NEK10: variants seen among roughly 807,000 people sequenced by gnomAD.
NEK10 encodes the protein serine/threonine-protein kinase Nek10.
Under a neutral mutation model 159.8 loss-of-function variants are expected in NEK10, and 122 were observed. That is an observed-to-expected ratio of 0.76 (90% CI 0.66 to 0.89). The LOEUF (loss-of-function observed/expected upper bound fraction) is 0.89, where lower values mean the gene tolerates loss of function less well. Ranked by LOEUF, NEK10 falls within the 40% of genes least tolerant of loss-of-function variation. NEK10 has a pLI of 0.00. For synonymous variants in NEK10, 466 were observed against 457.1 expected (o/e 1.02, Z -0.25); for missense variants, 1,342 against 1,323.1 (o/e 1.01, Z -0.22).
rs182278573 is a variant in NEK10 at position 27,153,033 on chromosome 3, T to G, written c.2869+9668A>C. Among the ~76,000 whole-genome samples the G allele has an allele frequency of 5.1e-4, 77 of 152,020 alleles. 1 individual carries two copies. The highest frequency in any genetic ancestry group is 7.4e-5 in the Non-Finnish European group (5 of 67,990). ...ATAAAACACTAATAGACCTAAGAAATGAGAATGGCCAGGCGCGGTGGCTCA... is the reference window on the plus strand; with the variant it reads ...ATAAAACACTAATAGACCTAAGAAAGGAGAATGGCCAGGCGCGGTGGCTCA... On this transcript the variant is annotated intron_variant, in intron 30 of 35. Transcript: ENST00000691995.
chr3:27,111,264 C>A lies in NEK10; in HGVS notation c.*8G>T. 1 of 1,608,040 alleles carries A rather than the reference C, an allele frequency of 6.2e-7. No individual in the cohort carries two copies. Among genetic ancestry groups the A allele is most frequent in the Non-Finnish European group, 8.5e-7 (1 of 1,176,670 alleles). ...GAGAAAATCAAGTCCACTCAAAATG[C>A]AGCATTTTCATCTTTTGGTTGGGTG... is the stretch of plus-strand genomic sequence containing the variant. On this transcript the variant is annotated 3_prime_UTR_variant, in exon 36 of 36. Coordinates refer to ENST00000691995, the MANE Select transcript of NEK10 (RefSeq NM_001394966.1).
intron 22 of NEK10, among the ~76,000 whole-genome samples, chr3:27,281,356 C>T (rs769120037): frequency 6.6e-6 from 1 of 151,802 alleles, no homozygotes; most frequent in African/African-American, 2.4e-5. Flanking sequence ...TGGCTACAGA[C>T]ACATTGAATT....
intron 32 of NEK10, 25 bp from the exon 33 acceptor site, chr3:27,119,893 A>C (rs764791758): frequency 1.9e-6 from 3 of 1,554,898 alleles, no homozygotes; most frequent in Non-Finnish European, 2.7e-6. Context: ...GCAAAATCAC[A>C]TCTTAGTTTA....
At position 27,269,911 on chromosome 3, in the gene NEK10, CA is replaced by C. The variant is rs537153750; in HGVS notation, c.2015-13541del. Among the ~76,000 whole-genome samples, 55 of 152,290 alleles carry C rather than the reference CA, an allele frequency of 3.6e-4. 2 individuals are homozygous for C. Among genetic ancestry groups the C allele is most frequent in the Admixed American group, 9.8e-4 (15 of 15,294 alleles). On this transcript the variant is annotated intron_variant, in intron 22 of 35. Transcript: ENST00000691995. ...AGTTCCTCACTTTCCTTTACCACAG[CA>C]AAATCCTATTGTTTCTACAAAAAGT...
At chr3:27,334,133 C>T (rs148579304) in intron 5 of NEK10, among the ~76,000 whole-genome samples, 538 of 152,318 alleles carry the variant, frequency 3.5e-3, no homozygotes, top group African/African-American at 0.012. Flanking sequence ...AGTCTACCAC[C>T]ACTGGCACCT....
At chr3:27,339,759 A>G (rs1350657351) in intron 5 of NEK10, among the ~76,000 whole-genome samples, 1 of 139,330 alleles carries the variant, frequency 7.2e-6, no homozygotes, top group Non-Finnish European at 1.5e-5. Flanking sequence ...AGCCTGGGCC[A>G]CAGGGCGAGA....
At chr3:27,297,570 C>G (rs1264633972) in intron 13 of NEK10, among the ~76,000 whole-genome samples, 8 of 152,178 alleles carry the variant, frequency 5.3e-5, no homozygotes, top group Admixed American at 5.2e-4. Context: ...TGGCACTTAG[C>G]AGGTGCTCAA....
At chr3:27,314,248 C>G in intron 7 of NEK10, 49 bp downstream of exon 7, 1 of 1,373,352 alleles carries the variant, frequency 7.3e-7, no homozygotes, top group African/African-American at 1.4e-5. Context: ...TTGCTCATAG[C>G]AGGCACAAAA....
chr3:27,120,804 G>A (rs184431075), intron 32 of NEK10, among the ~76,000 whole-genome samples: 11 of 152,198 alleles, frequency 7.2e-5, no homozygotes, highest in Admixed American at 4.6e-4. Flanking sequence ...ATTTTAGACC[G>A]TAAACGTTTT....
intron 32 of NEK10, among the ~76,000 whole-genome samples, chr3:27,128,917 C>T (rs1942290588): frequency 6.6e-6 from 1 of 152,082 alleles, no homozygotes; most frequent in African/African-American, 2.4e-5. Context: ...GAGCTCATTG[C>T]TGCTTGATTA....
intron 7 of NEK10, among the ~76,000 whole-genome samples, 171 bp from the exon 8 acceptor site, chr3:27,312,348 G>A (rs2044764811): frequency 1.3e-5 from 2 of 152,162 alleles, no homozygotes; most frequent in Admixed American, 1.3e-4. Context: ...AGGTGACTGG[G>A]TTTCTAGATT....
At chr3:27,304,135 A>C (rs2044049730) in intron 12 of NEK10, among the ~76,000 whole-genome samples, 2 of 152,188 alleles carry the variant, frequency 1.3e-5, no homozygotes, top group African/African-American at 4.8e-5. Flanking sequence ...ATGTCACTGG[A>C]ATTCTACTTT....
intron 23 of NEK10, among the ~76,000 whole-genome samples, chr3:27,249,883 C>G (rs893831730): frequency 6.6e-6 from 1 of 151,856 alleles, no homozygotes. Context: ...TTTTGTGTAT[C>G]TGTTGTATGT....
At chr3:27,306,456 C>T (rs1406265974) in intron 11 of NEK10, among the ~76,000 whole-genome samples, 1 of 152,136 alleles carries the variant, frequency 6.6e-6, no homozygotes, top group Non-Finnish European at 1.5e-5. Flanking sequence ...TTTACCTTCA[C>T]GAACTTTCCC....
At chr3:27,290,386 C>G (rs1404168401) in intron 19 of NEK10, among the ~76,000 whole-genome samples, 1 of 152,192 alleles carries the variant, frequency 6.6e-6, no homozygotes, top group African/African-American at 2.4e-5. Flanking sequence ...GCATTCTGTA[C>G]TGTAAATCCG....
chr3:27,165,235 A>G (rs1008663239), intron 29 of NEK10, among the ~76,000 whole-genome samples: 1 of 152,258 alleles, frequency 6.6e-6, no homozygotes, highest in Non-Finnish European at 1.5e-5. Context: ...TCTGGAAATT[A>G]TATCACTAAC....
chr3:27,281,162 A>C (rs891817318), intron 22 of NEK10, among the ~76,000 whole-genome samples: 5 of 152,092 alleles, frequency 3.3e-5, no homozygotes, highest in Non-Finnish European at 7.4e-5. Context: ...ACAAAGAGAC[A>C]AACATTAAAA....
chr3:27,363,201 T>C (rs2048808464), intron 1 of NEK10, among the ~76,000 whole-genome samples: 2 of 152,190 alleles, frequency 1.3e-5, no homozygotes, highest in South Asian at 4.1e-4. Flanking sequence ...CCTTCATGTC[T>C]CAACTGAAGT....
intron 23 of NEK10, among the ~76,000 whole-genome samples, chr3:27,241,720 G>C (rs1375927302): frequency 6.6e-6 from 1 of 152,096 alleles, no homozygotes; most frequent in African/African-American, 2.4e-5. Flanking sequence ...TCTTTTCTCA[G>C]GGTCTGCCTT....
Sources: gnomAD v4.1 joint callset for allele counts (sites outside exome capture counted in the v4.1 genomes callset) on GRCh38, gnomAD v4.1.1 for gene constraint, MANE v1.5 for transcripts, NCBI Gene and HGNC (gene_info 2026-07-23, HGNC 2026-07-21) for gene names.